TNKS1BP1: variants seen among roughly 807,000 people sequenced by gnomAD.
TNKS1BP1 encodes 182 kDa tankyrase-1-binding protein.
TNKS1BP1 carries 48 observed loss-of-function variants against 141.1 expected under a neutral mutation model. That is an observed-to-expected ratio of 0.34 (90% CI 0.27 to 0.43). The LOEUF (loss-of-function observed/expected upper bound fraction) is 0.43, where lower values mean the gene tolerates loss of function less well. Ranked by LOEUF, TNKS1BP1 falls within the 20% of genes least tolerant of loss-of-function variation. The probability of loss-of-function intolerance (pLI) is 1.00; values close to 1 mark genes in which losing one functional copy is unlikely to be tolerated. For missense variants in TNKS1BP1, 2,149 were observed against 2,226.0 expected, an observed-to-expected ratio of 0.97 and a Z score of 0.70; for synonymous variants, 875 against 898.2, an observed-to-expected ratio of 0.97 and a Z score of 0.46.
intron 5 of TNKS1BP1, chr11:57,311,530 C>A: frequency 1.1e-6 from 1 of 944,614 alleles, no homozygotes; most frequent in Non-Finnish European, 1.3e-6. Flanking sequence ...GGCAGCCCCG[C>A]CCAGGAGCCA....
chr11:57,324,260 G>A (rs1855928996), intron 1 of TNKS1BP1, among the ~76,000 whole-genome samples: 1 of 152,234 alleles, frequency 6.6e-6, no homozygotes, highest in African/African-American at 2.4e-5. Context: ...GAGGGCCAAC[G>A]GGAAGATGGA....
Position 57,320,300 on chromosome 11 carries a change from C to T in TNKS1BP1, c.507G>A (p.Glu169=). Residue 169 remains glutamate, a synonymous_variant, in exon 3 of 12, where the codon GAG becomes GAA. Coordinates refer to ENST00000358252, the MANE Select transcript of TNKS1BP1 (RefSeq NM_033396.3). ...TTVEEILAKM[E]QPRKEVLASP... is the part of the protein sequence containing the mutation. Reference sequence around the variant, plus strand: ...TGGCAAGGACCTCCTTCCGAGGCTGCTCCATCTTGGCCAGGATCTCTTCCA... The same window carrying T: ...TGGCAAGGACCTCCTTCCGAGGCTGTTCCATCTTGGCCAGGATCTCTTCCA... The T allele has an allele frequency of 6.2e-7, 1 of 1,614,212 alleles. No homozygotes were observed. Among genetic ancestry groups the T allele is most frequent in the Non-Finnish European group, 8.5e-7 (1 of 1,180,046 alleles).
chr11:57,301,311 C>G (rs548002727), intron 9 of TNKS1BP1, among the ~76,000 whole-genome samples: 1 of 152,216 alleles, frequency 6.6e-6, no homozygotes, highest in African/African-American at 2.4e-5. Flanking sequence ...ACTTCCCACC[C>G]CTGTTCCCTC....
At position 57,301,857 on chromosome 11, in the gene TNKS1BP1, T is replaced by C. The variant is rs1277010818; in HGVS notation, c.4921A>G (p.Lys1641Glu). The change falls in exon 9 of 12, where the codon AAG (lysine) becomes GAG (glutamate). Residue 1641 changes from lysine (K) to glutamate (E), a missense_variant. Physicochemically the swap from Lys to Glu is moderately conservative, Grantham distance 56 (BLOSUM62 1). Coordinates refer to ENST00000358252, the MANE Select transcript of TNKS1BP1 (RefSeq NM_033396.3). ...SRRTRMSLGT[K>E]GLKVNLFPGL... is the part of the protein sequence containing the mutation. The stretch of plus-strand genomic sequence containing the variant: ...GGAAAGAGGTTGACTTTCAGCCCCT[T>C]GGTGCCCAACGACATCCGTGTCCGG... 1.9e-6 allele frequency: 3 copies of C among 1,614,138 alleles called. No individual in the cohort carries two copies. Among genetic ancestry groups the C allele is most frequent in the Non-Finnish European group, 2.5e-6 (3 of 1,180,028 alleles).
intron 9 of TNKS1BP1, 35 bp downstream of exon 9, chr11:57,301,772 T>A: frequency 1.9e-6 from 3 of 1,593,346 alleles, no homozygotes; most frequent in Non-Finnish European, 2.6e-6. Context: ...CCTGGCCAGA[T>A]GGCTGGACAT....
At chr11:57,322,430 C>T (rs1855903448) in intron 1 of TNKS1BP1, 2 of 509,596 alleles carry the variant, frequency 3.9e-6, no homozygotes, top group Non-Finnish European at 5.1e-6. Context: ...CCCTCTCTCC[C>T]TCCCTCCCGC....
chr11:57,299,654 T>G lies in TNKS1BP1; in HGVS notation c.*440A>C, dbSNP rs1021018170. The G allele has an allele frequency of 8.5e-5, 13 of 152,480 alleles. No individual in the cohort carries two copies. Among genetic ancestry groups the G allele is most frequent in the African/African-American group, 2.9e-4 (12 of 41,358 alleles). The allele number at this position is 152,480 out of a possible 1,614,324, so 9.4% of individuals were successfully genotyped here. ...TGGACAGCACCAATTCCCAAAAAAC[T>G]TTATTTATTGTTTCAAGTGGCAAAA... On this transcript the variant is annotated 3_prime_UTR_variant, in exon 12 of 12. Coordinates refer to ENST00000358252, the MANE Select transcript of TNKS1BP1 (RefSeq NM_033396.3).
chr11:57,324,451 G>C (rs1296319329), intron 1 of TNKS1BP1, among the ~76,000 whole-genome samples: 1 of 151,862 alleles, frequency 6.6e-6, no homozygotes, highest in African/African-American at 2.4e-5. Flanking sequence ...TCGATCAGGT[G>C]GGGGCGGACT....
At chr11:57,316,594 G>A (rs1855802893) in intron 4 of TNKS1BP1, among the ~76,000 whole-genome samples, 1 of 152,084 alleles carries the variant, frequency 6.6e-6, no homozygotes, top group East Asian at 1.9e-4. Context: ...AAAGCCGTGG[G>A]GTCACCCTTG....
intron 4 of TNKS1BP1, among the ~76,000 whole-genome samples, chr11:57,314,108 C>A (rs148940935): frequency 6.6e-6 from 1 of 152,172 alleles, no homozygotes; most frequent in Non-Finnish European, 1.5e-5. Context: ...CCCCAGAATG[C>A]GCCTATCCTT....
At chr11:57,324,702 A>C in intron 1 of TNKS1BP1, 138 bp downstream of exon 1, 2 of 892,248 alleles carry the variant, frequency 2.2e-6, no homozygotes, top group Non-Finnish European at 2.7e-6. Flanking sequence ...GGCCCCTGCA[A>C]ACTTTCCTGG....
In TNKS1BP1 at chr11:57,309,148, G is replaced by A. The variant is rs748159115; in HGVS notation, c.3563C>T (p.Ala1188Val). 6 of 1,613,808 alleles carry A rather than the reference G, an allele frequency of 3.7e-6. No individual in the cohort carries two copies. The African/African-American group carries it at 5.3e-5, about 14-fold the overall frequency. Residue 1188 changes from alanine to valine, a missense_variant, in exon 6 of 12, where the codon GCC (alanine) becomes GTC (valine). By Grantham distance (64) the Ala-to-Val change is moderately conservative. Transcript: ENST00000358252. This position sits in a 1 kb window ranked among gnomAD's most constrained non-coding sequence, Gnocchi z 4.3. Reference sequence around the variant, plus strand: ...ACCTGACCAGCCCATCTGTCCCACGGCACTCTCCCTGGCCTCGCTCGAGCC... The same window carrying A: ...ACCTGACCAGCCCATCTGTCCCACGACACTCTCCCTGGCCTCGCTCGAGCC... ...SGGSSEARES[A>V]VGQMGWSGGL...
At chr11:57,312,026 G>A (rs1475504599) in intron 5 of TNKS1BP1, among the ~76,000 whole-genome samples, 1 of 152,216 alleles carries the variant, frequency 6.6e-6, no homozygotes, top group Non-Finnish European at 1.5e-5. Flanking sequence ...TTTTACAGAT[G>A]TGGAAACTGA....
Position 57,313,786 on chromosome 11 carries a change from G to A in TNKS1BP1, c.902C>T (p.Ser301Phe). ...CTTATCAGGCGGGTGAAGATGGGGAGAGCCAGGGCCTGAGCCTGAGGCTTC... is the reference window on the plus strand; with the variant it reads ...CTTATCAGGCGGGTGAAGATGGGGAAAGCCAGGGCCTGAGCCTGAGGCTTC... Reference protein sequence around the residue: ...PAEASGSGPGSPHLHPPDKSS... With the variant: ...PAEASGSGPGFPHLHPPDKSS... The change falls in exon 5 of 12, where the codon TCT becomes TTT. Residue 301 changes from serine (S) to phenylalanine (F), a missense_variant. Transcript: ENST00000358252. The A allele has an allele frequency of 1.9e-6, 3 of 1,595,280 alleles. No individual in the cohort carries two copies. The highest frequency in any genetic ancestry group is 2.6e-6 in the Non-Finnish European group (3 of 1,171,616).
At position 57,313,854 on chromosome 11, in the gene TNKS1BP1, G is replaced by A. The variant is rs751435545; in HGVS notation, c.834C>T (p.Pro278=). 6.6e-7 allele frequency: 1 copy of A among 1,521,826 alleles called. No individual in the cohort carries two copies. The highest frequency in any genetic ancestry group is 1.3e-5 in the South Asian group (1 of 74,278). 94.3% of individuals were successfully genotyped at this position (1,521,826 alleles called of 1,614,324 possible). The change falls in exon 5 of 12, where the codon CCC becomes CCT. Residue 278 remains proline, a synonymous_variant. Transcript: ENST00000358252. ...TGGCAGGGCCTCCATTCTCTGAGGA[G>A]GGGGCTGGACTTGAGGGAATCCAGG... ...SKPWIPSSPA[P]SSENGGPASP...
At chr11:57,314,430 T>C (rs2134366018) in intron 4 of TNKS1BP1, among the ~76,000 whole-genome samples, 1 of 152,298 alleles carries the variant, frequency 6.6e-6, no homozygotes, top group South Asian at 2.1e-4. Flanking sequence ...AGGAAGGCTA[T>C]GGGACCCAGG....
chr11:57,309,101 T>C lies in TNKS1BP1; in HGVS notation c.3610A>G (p.Asn1204Asp), dbSNP rs765904442. ...CCACTTTCCAAACAGCCGGTCAGGT[T>C]CATGTCTCTCAAGCTCAGGCCACCT... ...WSGGLSLRDM[N>D]LTGCLESGGS... The change falls in exon 6 of 12, where the codon AAC becomes GAC. Residue 1204 changes from asparagine (N) to aspartate (D), a missense_variant. Physicochemically the swap from Asn to Asp is conservative, Grantham distance 23 (BLOSUM62 1). Transcript: ENST00000358252. The surrounding 1 kb of genome is among the most constrained non-coding windows in gnomAD (Gnocchi z 4.3). 6.2e-6 allele frequency: 10 copies of C among 1,613,896 alleles called. No homozygotes were observed. In the African/African-American group the frequency reaches 9.4e-5, roughly 15 times the overall value.
At chr11:57,316,134 G>A (rs1033337239) in intron 4 of TNKS1BP1, among the ~76,000 whole-genome samples, 7 of 152,102 alleles carry the variant, frequency 4.6e-5, no homozygotes, top group Admixed American at 3.3e-4. Context: ...TCTCGTCAAG[G>A]TCACGGATGA....
intron 3 of TNKS1BP1, among the ~76,000 whole-genome samples, 181 bp from the exon 4 acceptor site, chr11:57,318,068 C>T (rs1246838773): frequency 2.0e-5 from 3 of 152,208 alleles, no homozygotes; most frequent in African/African-American, 7.2e-5. Context: ...ATTTTCCATT[C>T]GGCAAGTGCC....
Sources: allele counts gnomAD v4.1 joint callset (sites outside exome capture counted in the v4.1 genomes callset), GRCh38; gene constraint gnomAD v4.1.1; non-coding constraint Gnocchi (gnomAD v3.1); transcripts MANE v1.5; gene names NCBI Gene and HGNC (gene_info 2026-07-23, HGNC 2026-07-21).